Variants in PTAFR observed in about 807,000 individuals in gnomAD.
PTAFR encodes platelet-activating factor receptor.
PTAFR carries 8 observed loss-of-function variants against 14.7 expected under a neutral mutation model. The observed-to-expected ratio is 0.54, with a 90% CI of 0.32 to 0.98. The LOEUF (loss-of-function observed/expected upper bound fraction) is 0.98. Among genes scored for constraint, PTAFR ranks in the 50% least tolerant of loss-of-function variants. The probability of loss-of-function intolerance (pLI) is 0.04; values close to 1 mark genes in which losing one functional copy is unlikely to be tolerated. For missense variants in PTAFR, 337 were observed against 451.2 expected, an observed-to-expected ratio of 0.75 and a Z score of 2.29; for synonymous variants, 156 against 176.5, an observed-to-expected ratio of 0.88 and a Z score of 0.92.
upstream of PTAFR, among the ~76,000 whole-genome samples, chr1:28,181,424 A>G (rs1407697914): frequency 6.6e-6 from 1 of 152,176 alleles, no homozygotes; most frequent in Non-Finnish European, 1.5e-5. Context: ...GATAAGAAAC[A>G]TATGGAACAC....
intron 1 of PTAFR, among the ~76,000 whole-genome samples, chr1:28,159,446 T>C (rs1186840359): frequency 3.9e-5 from 6 of 152,204 alleles, no homozygotes; most frequent in African/African-American, 1.4e-4. Context: ...ATCAATCTCA[T>C]GTGATCAGAT....
intron 1 of PTAFR, among the ~76,000 whole-genome samples, chr1:28,160,692 C>A (rs906313728): frequency 1.3e-5 from 2 of 152,090 alleles, no homozygotes; most frequent in African/African-American, 4.8e-5. Context: ...GACTTCAGAG[C>A]CTCCCCAGTC....
At chr1:28,182,558 A>T (rs1274315608) in intron 1 of PTAFR, among the ~76,000 whole-genome samples, 2 of 151,632 alleles carry the variant, frequency 1.3e-5, no homozygotes, top group Non-Finnish European at 2.9e-5. Context: ...ATGCCACTGC[A>T]CTCCAGCCTA....
At chr1:28,183,652 G>T (rs1646580447) in intron 1 of PTAFR, among the ~76,000 whole-genome samples, 1 of 151,968 alleles carries the variant, frequency 6.6e-6, no homozygotes, top group South Asian at 2.1e-4. Context: ...TGTGTAATAG[G>T]TAGGAATTTT....
At position 28,148,038 on chromosome 1, in the gene PTAFR, C is replaced by G. The variant is rs1242787067; in HGVS notation, c.*1955G>C. Reference sequence around the variant, plus strand: ...TCAAAATCAGCAATCCGGTGTTTGCCCGGTACACAGGAAATGAGTATCCCA... The same window carrying G: ...TCAAAATCAGCAATCCGGTGTTTGCGCGGTACACAGGAAATGAGTATCCCA... On this transcript the variant is annotated 3_prime_UTR_variant, in exon 2 of 2. Coordinates refer to ENST00000373857, the MANE Select transcript of PTAFR (RefSeq NM_000952.5). 6.6e-6 allele frequency: 1 copy of G among 152,254 alleles called. No homozygotes were observed. Among genetic ancestry groups the G allele is most frequent in the Admixed American group, 6.6e-5 (1 of 15,216 alleles). The allele number at this position is 152,254 out of a possible 1,614,324, so 9.4% of individuals were successfully genotyped here.
intron 1 of PTAFR, among the ~76,000 whole-genome samples, chr1:28,191,346 G>A (rs1215679170): frequency 6.6e-6 from 1 of 152,234 alleles, no homozygotes; most frequent in African/African-American, 2.4e-5. Flanking sequence ...GAGGGCCTGG[G>A]AAAGCCCACA....
chr1:28,177,447 T>C (rs909353304), upstream of PTAFR, among the ~76,000 whole-genome samples: 3 of 152,046 alleles, frequency 2.0e-5, no homozygotes, highest in African/African-American at 7.2e-5. Context: ...AGAGATAGGG[T>C]CTCCCTGTTT....
intron 1 of PTAFR, among the ~76,000 whole-genome samples, chr1:28,154,356 C>A (rs1404127108): frequency 1.3e-5 from 2 of 152,150 alleles, no homozygotes; most frequent in African/African-American, 2.4e-5. Flanking sequence ...ATCCATCCAA[C>A]AAATATTTCT....
upstream of PTAFR, among the ~76,000 whole-genome samples, chr1:28,181,085 C>G (rs1404543746): frequency 2.6e-5 from 4 of 152,066 alleles, no homozygotes; most frequent in Non-Finnish European, 4.4e-5. Flanking sequence ...TGACCTGAAG[C>G]AATCCGCCCT....
At chr1:28,187,561 A>G (rs1408044021) in intron 1 of PTAFR, among the ~76,000 whole-genome samples, 1 of 152,154 alleles carries the variant, frequency 6.6e-6, no homozygotes, top group Non-Finnish European at 1.5e-5. Flanking sequence ...GCTGGAGTGA[A>G]GTGGTGCAGT....
intron 1 of PTAFR, among the ~76,000 whole-genome samples, chr1:28,175,721 C>A (rs66874503): frequency 6.6e-6 from 1 of 152,070 alleles, no homozygotes; most frequent in African/African-American, 2.4e-5. Context: ...TTCAGCACCC[C>A]CTTCCCCACC....
rs777911384 is a variant in PTAFR at position 28,150,121 on chromosome 1, G to A, written c.901C>T (p.Arg301Cys). Residue 301 changes from arginine (R) to cysteine (C), a missense_variant, in exon 2 of 2, where the codon CGC becomes TGC. Transcript: ENST00000373857. This position sits in a 1 kb window ranked among gnomAD's most constrained non-coding sequence, Gnocchi z 6.3. ...TAGAACTTTTCGGTGAGGTGCTTGCGGAACTTCTTGGTGAGGAAACAGTAG... is the reference window on the plus strand; with the variant it reads ...TAGAACTTTTCGGTGAGGTGCTTGCAGAACTTCTTGGTGAGGAAACAGTAG... The part of the protein sequence containing the change: ...VIYCFLTKKF[R>C]KHLTEKFYSM... The A allele has an allele frequency of 9.3e-6, 15 of 1,614,016 alleles. No homozygotes were observed. Among genetic ancestry groups the A allele is most frequent in the African/African-American group, 4.0e-5 (3 of 74,902 alleles).
Position 28,150,797 on chromosome 1 carries a change from G to T in PTAFR, c.225C>A (p.Val75=), listed in dbSNP as rs758860693. 11 of 1,614,156 alleles carry T rather than the reference G, an allele frequency of 6.8e-6. No individual in the cohort carries two copies. Among genetic ancestry groups the T allele is most frequent in the Middle Eastern group, 1.6e-4 (1 of 6,062 alleles). ...LFLITLPLWI[V]YYQNQGNWIL... ...TCCAGTTGCCCTGGTTTTGGTAGTA[G>T]ACAATCCAAAGTGGCAGGGTGATCA... The change falls in exon 2 of 2, where the codon GTC becomes GTA. Residue 75 remains valine, a synonymous_variant. Coordinates refer to ENST00000373857, the MANE Select transcript of PTAFR (RefSeq NM_000952.5). The surrounding 1 kb of genome is among the most constrained non-coding windows in gnomAD (Gnocchi z 6.3).
chr1:28,152,968 G>T (rs1351347870), intron 1 of PTAFR, among the ~76,000 whole-genome samples: 1 of 151,964 alleles, frequency 6.6e-6, no homozygotes, highest in East Asian at 1.9e-4. Flanking sequence ...TCTTTAAAGG[G>T]CATTTATTAT....
intron 1 of PTAFR, among the ~76,000 whole-genome samples, chr1:28,174,099 G>A (rs1646485527): frequency 6.6e-6 from 1 of 152,094 alleles, no homozygotes; most frequent in South Asian, 2.1e-4. Flanking sequence ...AGACACACCA[G>A]AGGCTTCTCC....
chr1:28,182,105 G>T (rs1210413637), intron 1 of PTAFR, among the ~76,000 whole-genome samples: 1 of 152,138 alleles, frequency 6.6e-6, no homozygotes, highest in African/African-American at 2.4e-5. Flanking sequence ...GGAGGCCGAG[G>T]TGGGTGGATC....
At chr1:28,168,177 TA>T (rs1368472555) in intron 1 of PTAFR, among the ~76,000 whole-genome samples, 1 of 149,222 alleles carries the variant, frequency 6.7e-6, no homozygotes, top group Non-Finnish European at 1.5e-5. Context: ...TTCACCGTGT[TA>T]GCCAGGATGG....
At chr1:28,164,967 T>C (rs900545470) in intron 1 of PTAFR, among the ~76,000 whole-genome samples, 4 of 152,258 alleles carry the variant, frequency 2.6e-5, no homozygotes, top group Admixed American at 2.0e-4. Context: ...AGATCCTGGT[T>C]CAACCACTAA....
rs561580930 is a variant in PTAFR at position 28,174,950 on chromosome 1, G to A, written c.-39+1642C>T. ...TTTGTTTTGTTTTGTTTTTTGAGACGGAGTCTCGCTCTGTTGCCCAGGCTG... is the reference window on the plus strand; with the variant it reads ...TTTGTTTTGTTTTGTTTTTTGAGACAGAGTCTCGCTCTGTTGCCCAGGCTG... On this transcript the variant is annotated intron_variant, in intron 1 of 1. Coordinates refer to ENST00000373857, the MANE Select transcript of PTAFR (RefSeq NM_000952.5). Among the ~76,000 whole-genome samples the A allele has an allele frequency of 4.6e-5, 7 of 152,226 alleles. No individual in the cohort carries two copies. The East Asian group carries it at 5.8e-4, about 13-fold the overall frequency.
Sources: gnomAD v4.1 joint callset for allele counts (sites outside exome capture counted in the v4.1 genomes callset) on GRCh38, gnomAD v4.1.1 for gene constraint, Gnocchi (gnomAD v3.1) non-coding constraint, MANE v1.5 for transcripts, NCBI Gene and HGNC (gene_info 2026-07-23, HGNC 2026-07-21) for gene names.